Variants in ATRNL1 observed in about 807,000 individuals in gnomAD.
ATRNL1 encodes the protein attractin-like protein 1.
In ATRNL1, 95 loss-of-function variants were observed where a neutral mutation model predicts 182.7. That is an observed-to-expected ratio of 0.52 (90% confidence interval 0.44 to 0.62). The LOEUF (loss-of-function observed/expected upper bound fraction) is 0.62, where lower values mean the gene tolerates loss of function less well. ATRNL1 is among the 20% of genes least tolerant of loss of function. The probability of loss-of-function intolerance (pLI) is 0.00; values close to 1 mark genes in which losing one functional copy is unlikely to be tolerated. For missense variants in ATRNL1, 1,471 were observed against 1,679.5 expected, an observed-to-expected ratio of 0.88 and a Z score of 2.17; for synonymous variants, 576 against 568.3, an observed-to-expected ratio of 1.01 and a Z score of -0.19.
chr10:115,686,852 T>C (rs980744667), intron 26 of ATRNL1, among the ~76,000 whole-genome samples: 2 of 152,042 alleles, frequency 1.3e-5, no homozygotes, highest in African/African-American at 2.4e-5. Flanking sequence ...AGTAATAATA[T>C]AAAGTTTTGT....
intron 8 of ATRNL1, among the ~76,000 whole-genome samples, chr10:115,214,153 T>C (rs1849139273): frequency 6.6e-6 from 1 of 152,064 alleles, no homozygotes. Flanking sequence ...GAAAATAGTC[T>C]GTATGTAACA....
intron 26 of ATRNL1, chr10:115,597,652 A>G (rs1224296197): frequency 2.3e-6 from 1 of 443,936 alleles, no homozygotes; most frequent in Admixed American, 2.4e-5. Context: ...AGCTCACTGC[A>G]ACCTCCGCAT....
At chr10:115,878,799 A>T (rs910838466) in intron 28 of ATRNL1, among the ~76,000 whole-genome samples, 2 of 152,202 alleles carry the variant, frequency 1.3e-5, no homozygotes, top group African/African-American at 4.8e-5. Context: ...GAGGCATACA[A>T]GTAGCTCCTT....
At chr10:115,657,379 A>AT (rs1315581368) in intron 26 of ATRNL1, among the ~76,000 whole-genome samples, 1 of 151,946 alleles carries the variant, frequency 6.6e-6, no homozygotes, top group Non-Finnish European at 1.5e-5. Context: ...GTACAGTGAC[A>AT]TTTTTTGAAA....
chr10:115,646,667 T>C (rs571458487), intron 26 of ATRNL1, among the ~76,000 whole-genome samples: 40 of 151,948 alleles, frequency 2.6e-4, no homozygotes, highest in African/African-American at 8.9e-4. Flanking sequence ...TAATATTTTA[T>C]TAAAAGCCCT....
chr10:115,507,648 TA>T (rs1359665870), intron 24 of ATRNL1, among the ~76,000 whole-genome samples: 2 of 152,100 alleles, frequency 1.3e-5, no homozygotes, highest in African/African-American at 4.8e-5. Context: ...ATTGATGAGG[TA>T]ATTCGGAGTA....
intron 20 of ATRNL1, among the ~76,000 whole-genome samples, chr10:115,425,958 A>T (rs1845866148): frequency 6.6e-6 from 1 of 152,046 alleles, no homozygotes. Context: ...ACATATCCCA[A>T]AGCTCATAAT....
chr10:115,598,420 G>A (rs1481039349), intron 26 of ATRNL1, among the ~76,000 whole-genome samples: 1 of 149,422 alleles, frequency 6.7e-6, no homozygotes, highest in Non-Finnish European at 1.5e-5. Context: ...CTGGGGTGCA[G>A]AGGCGTGATC....
At chr10:115,768,627 C>T (rs1284036059) in intron 27 of ATRNL1, among the ~76,000 whole-genome samples, 4 of 152,088 alleles carry the variant, frequency 2.6e-5, no homozygotes, top group Non-Finnish European at 5.9e-5. Context: ...GCCGTGAACA[C>T]GCTAACTTTA....
At chr10:115,520,612 A>G (rs889312146) in intron 25 of ATRNL1, among the ~76,000 whole-genome samples, 1 of 152,194 alleles carries the variant, frequency 6.6e-6, no homozygotes. Flanking sequence ...GAAGCTCACT[A>G]GCTCCTCAGA....
At chr10:115,260,747 G>A (rs782059398) in intron 10 of ATRNL1, among the ~76,000 whole-genome samples, 1 of 151,966 alleles carries the variant, frequency 6.6e-6, no homozygotes, top group Non-Finnish European at 1.5e-5. Flanking sequence ...AGAAAAAAAT[G>A]AGCTCTTGGA....
intron 9 of ATRNL1, among the ~76,000 whole-genome samples, chr10:115,238,759 G>A (rs1277647950): frequency 2.0e-5 from 3 of 152,060 alleles, no homozygotes; most frequent in Non-Finnish European, 4.4e-5. Flanking sequence ...TCTTATTGCA[G>A]TAGCAAGAAC....
chr10:115,228,736 A>G (rs1478159932), intron 9 of ATRNL1, among the ~76,000 whole-genome samples: 1 of 151,424 alleles, frequency 6.6e-6, no homozygotes, highest in Non-Finnish European at 1.5e-5. Context: ...CCAGTGAGGG[A>G]AAAAAGACTT....
intron 8 of ATRNL1, among the ~76,000 whole-genome samples, chr10:115,187,698 C>CT (rs1194596327): frequency 2.0e-3 from 218 of 108,998 alleles, no homozygotes; most frequent in African/African-American, 3.4e-3. Context: ...TTTCTTTTTT[C>CT]TTTTTTTTTT....
intron 26 of ATRNL1, among the ~76,000 whole-genome samples, chr10:115,717,602 A>AGT (rs1231008832): frequency 8.0e-6 from 1 of 124,696 alleles, no homozygotes; most frequent in Non-Finnish European, 1.6e-5. Context: ...CCTGGGCTAG[A>AGT]GTGCAGTGGT....
chr10:115,572,440 A>G (rs1211143893), intron 26 of ATRNL1, among the ~76,000 whole-genome samples: 4 of 152,168 alleles, frequency 2.6e-5, no homozygotes, highest in Non-Finnish European at 5.9e-5. Flanking sequence ...TGGGGAAAAA[A>G]AAAGACTAAT....
intron 25 of ATRNL1, among the ~76,000 whole-genome samples, chr10:115,537,245 G>T (rs1422842330): frequency 6.6e-6 from 1 of 152,160 alleles, no homozygotes; most frequent in Admixed American, 6.5e-5. Flanking sequence ...CAAAGCTGAG[G>T]TTTATCGTAC....
intron 25 of ATRNL1, among the ~76,000 whole-genome samples, chr10:115,540,537 G>GCA (rs1554991678): frequency 6.6e-6 from 1 of 151,956 alleles, no homozygotes; most frequent in African/African-American, 2.4e-5. Flanking sequence ...TGAGGCAGGT[G>GCA]GATCACGAGG....
chr10:115,754,781 T>C (rs1555071519), intron 27 of ATRNL1, among the ~76,000 whole-genome samples: 1 of 152,212 alleles, frequency 6.6e-6, no homozygotes, highest in African/African-American at 2.4e-5. Flanking sequence ...TTTCACGATA[T>C]TGATTCTTCC....
Sources: gnomAD v4.1 joint callset for allele counts (sites outside exome capture counted in the v4.1 genomes callset) on GRCh38, gnomAD v4.1.1 for gene constraint, MANE v1.5 for transcripts, NCBI Gene and HGNC (gene_info 2026-07-23, HGNC 2026-07-21) for gene names.